Variants in GALNT14 observed in about 807,000 individuals in gnomAD.
GALNT14 encodes polypeptide N-acetylgalactosaminyltransferase 14.
A neutral mutation model predicts 77.5 loss-of-function variants in GALNT14; 60 were observed. The ratio of observed to expected loss-of-function variants is 0.77; its 90% confidence interval spans 0.63 to 0.96. The LOEUF is 0.96. Among genes scored for constraint, GALNT14 ranks in the 40% least tolerant of loss-of-function variants. The pLI is 0.00. For synonymous variants in GALNT14, 280 were observed against 281.7 expected, an observed-to-expected ratio of 0.99 and a Z score of 0.06; for missense variants, 710 against 731.0, an observed-to-expected ratio of 0.97 and a Z score of 0.33.
At chr2:30,965,802 T>G (rs1410331372) in intron 3 of GALNT14, among the ~76,000 whole-genome samples, 1 of 2,336 alleles carries the variant, frequency 4.3e-4, no homozygotes, top group African/African-American at 2.2e-3. Context: ...ATCAGGGTGC[T>G]GGGTGCTGAC....
chr2:30,978,250 C>G (rs978310448), intron 2 of GALNT14, among the ~76,000 whole-genome samples: 1 of 152,236 alleles, frequency 6.6e-6, no homozygotes, highest in Non-Finnish European at 1.5e-5. Flanking sequence ...CACTGTTGTG[C>G]AGTTTCGCTG....
chr2:31,073,028 C>T (rs1168658988), intron 1 of GALNT14: 1 of 152,182 alleles, frequency 6.6e-6, no homozygotes, highest in Non-Finnish European at 1.5e-5. Flanking sequence ...AGAACTCCTC[C>T]CTGCACTGCT....
At chr2:30,953,150 A>T (rs1667139501) in intron 6 of GALNT14, among the ~76,000 whole-genome samples, 1 of 152,174 alleles carries the variant, frequency 6.6e-6, no homozygotes, top group Non-Finnish European at 1.5e-5. Context: ...CAGCAGGACG[A>T]CATAGCTGGC....
chr2:30,971,816 T>C (rs769191295), intron 2 of GALNT14, among the ~76,000 whole-genome samples: 4 of 151,726 alleles, frequency 2.6e-5, no homozygotes, highest in Non-Finnish European at 5.9e-5. Flanking sequence ...TCAGTGATGG[T>C]TGCTGTCAGT....
At chr2:30,907,307 C>T (rs564598445), downstream of GALNT14, among the ~76,000 whole-genome samples, 21 of 151,974 alleles carry the variant, frequency 1.4e-4, no homozygotes, top group East Asian at 5.8e-4. Context: ...ATTGATAGAC[C>T]GCTAGCAAGA....
At chr2:30,894,049 GC>G in the GALNT14 span, among the ~76,000 whole-genome samples, 5 of 152,294 alleles carry the variant, frequency 3.3e-5, no homozygotes, top group African/African-American at 1.2e-4. Context: ...GAGAACAGGG[GC>G]CGAAAAGGAA....
intron 1 of GALNT14, among the ~76,000 whole-genome samples, chr2:31,039,327 C>T (rs371514875): frequency 6.6e-6 from 1 of 152,190 alleles, no homozygotes; most frequent in South Asian, 2.1e-4. Context: ...TAATGAGCAG[C>T]ATTTCCTTAG....
chr2:30,917,504 G>A (rs1266242019), intron 13 of GALNT14, among the ~76,000 whole-genome samples: 1 of 152,184 alleles, frequency 6.6e-6, no homozygotes, highest in Non-Finnish European at 1.5e-5. Context: ...GTCTCTCCAA[G>A]CCTCCCTTAC....
intron 1 of GALNT14, among the ~76,000 whole-genome samples, chr2:31,025,851 C>G (rs1672017165): frequency 6.6e-6 from 1 of 152,172 alleles, no homozygotes; most frequent in Non-Finnish European, 1.5e-5. Flanking sequence ...AGGCTGGTAA[C>G]TCAGGCAGGC....
intron 1 of GALNT14, among the ~76,000 whole-genome samples, chr2:31,035,238 T>G (rs1250189165): frequency 6.6e-6 from 1 of 152,190 alleles, no homozygotes; most frequent in Non-Finnish European, 1.5e-5. Flanking sequence ...GTCTATTTTT[T>G]CCTTAAATTC....
chr2:30,915,813 G>C lies in GALNT14; in HGVS notation c.1381-3471C>G, dbSNP rs1216324439. On this transcript the variant is annotated intron_variant, in intron 13 of 14. Coordinates refer to ENST00000349752, the MANE Select transcript of GALNT14 (RefSeq NM_024572.4). ...TCTAAGACAACTTTCAGCCCTGACTGAGTGGGTAAGTTAAATGTTAAAGGC... is the reference window on the plus strand; with the variant it reads ...TCTAAGACAACTTTCAGCCCTGACTCAGTGGGTAAGTTAAATGTTAAAGGC... Among the ~76,000 whole-genome samples the C allele has an allele frequency of 2.0e-5, 3 of 152,290 alleles. No homozygotes were observed. In the East Asian group the frequency reaches 5.8e-4, roughly 29 times the overall value.
intron 1 of GALNT14, among the ~76,000 whole-genome samples, chr2:31,120,577 G>C (rs1573377195): frequency 6.6e-6 from 1 of 150,750 alleles, no homozygotes; most frequent in African/African-American, 2.4e-5. Flanking sequence ...TTTTTTTTTA[G>C]ACAGAGTCTC....
intron 1 of GALNT14, among the ~76,000 whole-genome samples, chr2:31,027,913 T>TGTGTGTGTGTGTGTGTGTGC (rs1672167304): frequency 6.6e-6 from 1 of 151,944 alleles, no homozygotes; most frequent in African/African-American, 2.4e-5. Flanking sequence ...TGTGTGTGTG[T>TGTGTGTGTGTGTGTGTGTGC]GTGTGCACGC....
At chr2:31,099,676 C>T (rs1295830792) in intron 1 of GALNT14, among the ~76,000 whole-genome samples, 1 of 152,026 alleles carries the variant, frequency 6.6e-6, no homozygotes, top group Non-Finnish European at 1.5e-5. Context: ...ATTTAAGATG[C>T]TACCTTTGTC....
intron 1 of GALNT14, among the ~76,000 whole-genome samples, chr2:31,013,534 A>G (rs1214752616): frequency 1.3e-5 from 2 of 152,190 alleles, no homozygotes; most frequent in African/African-American, 4.8e-5. Flanking sequence ...CACGGGGCTG[A>G]GTCCAAATGT....
chr2:31,072,365 C>G (rs1354837120), intron 1 of GALNT14, among the ~76,000 whole-genome samples: 1 of 151,576 alleles, frequency 6.6e-6, no homozygotes, highest in Non-Finnish European at 1.5e-5. Flanking sequence ...ATTTTTGTCT[C>G]TCTTGCTCTC....
chr2:30,955,861 C>T (rs113591766), intron 5 of GALNT14, 51 bp downstream of exon 5: 229 of 1,611,442 alleles, frequency 1.4e-4, no homozygotes, highest in African/African-American at 2.8e-4. Context: ...ATCACACCTT[C>T]GACCCCCCGA....
chr2:30,935,282 G>A (rs1011245997), intron 9 of GALNT14, among the ~76,000 whole-genome samples: 1 of 152,150 alleles, frequency 6.6e-6, no homozygotes, highest in African/African-American at 2.4e-5. Flanking sequence ...ACACCACCCT[G>A]CCTCCATACT....
chr2:31,076,625 A>T (rs1372267270), intron 1 of GALNT14, among the ~76,000 whole-genome samples: 4 of 119,916 alleles, frequency 3.3e-5, no homozygotes, highest in Non-Finnish European at 7.2e-5. Context: ...ATATATATAT[A>T]TATATTTTTT....
Sources: allele counts gnomAD v4.1 joint callset (sites outside exome capture counted in the v4.1 genomes callset), GRCh38; gene constraint gnomAD v4.1.1; transcripts MANE v1.5; gene names NCBI Gene and HGNC (gene_info 2026-07-23, HGNC 2026-07-21).